The following PKNOX2 variants were observed in gnomAD, a reference collection of about 807,000 sequenced individuals.
PKNOX2 encodes the protein homeobox protein PKNOX2.
In PKNOX2, 14 loss-of-function variants were observed where a neutral mutation model predicts 53.1. The observed-to-expected ratio is 0.26, with a 90% CI of 0.17 to 0.41. The LOEUF (loss-of-function observed/expected upper bound fraction) is 0.41. PKNOX2 is among the 10% of genes least tolerant of loss of function. PKNOX2 has a pLI of 1.00. For missense variants in PKNOX2, 496 were observed against 602.8 expected (o/e 0.82, Z 1.85); for synonymous variants, 257 against 242.8 (o/e 1.06, Z -0.54).
intron 3 of PKNOX2, among the ~76,000 whole-genome samples, chr11:125,349,080 T>C (rs1352810064): frequency 6.6e-6 from 1 of 152,116 alleles, no homozygotes; most frequent in African/African-American, 2.4e-5. Flanking sequence ...TCTGCCAGAG[T>C]TCCAGGGAAG....
At chr11:125,332,195 T>C (rs1288221313) in intron 3 of PKNOX2, among the ~76,000 whole-genome samples, 1 of 151,812 alleles carries the variant, frequency 6.6e-6, no homozygotes, top group Non-Finnish European at 1.5e-5. Context: ...TTGATACAGA[T>C]GGGTGGGGCC....
Position 125,165,939 on chromosome 11 carries a change from G to A in PKNOX2, c.-201+1163G>A, listed in dbSNP as rs1954838770. Among the ~76,000 whole-genome samples, 1 of 152,198 alleles carries A rather than the reference G, an allele frequency of 6.6e-6. No homozygotes were observed. The highest frequency in any genetic ancestry group is 1.5e-5 in the Non-Finnish European group (1 of 68,040). On this transcript the variant is annotated intron_variant, in intron 1 of 12. Transcript: ENST00000298282. This position sits in a 1 kb window ranked among gnomAD's most constrained non-coding sequence, Gnocchi z 4.5. ...ATCCCCAGGAAGAAACGAGCGAAAT[G>A]GGCCGTCCTTTCCCGGGGCTCTTCA...
At chr11:125,345,762 A>G (rs1231120723) in intron 3 of PKNOX2, among the ~76,000 whole-genome samples, 1 of 152,206 alleles carries the variant, frequency 6.6e-6, no homozygotes, top group Non-Finnish European at 1.5e-5. Context: ...AAAGATGAAT[A>G]TCACACTATC....
intron 1 of PKNOX2, among the ~76,000 whole-genome samples, chr11:125,210,889 A>C (rs539364591): frequency 6.6e-6 from 1 of 152,170 alleles, no homozygotes; most frequent in African/African-American, 2.4e-5. Flanking sequence ...TGGCTTCCGG[A>C]TCTGGGTTGA....
chr11:125,378,539 C>T (rs923447238), intron 5 of PKNOX2, among the ~76,000 whole-genome samples: 1 of 152,192 alleles, frequency 6.6e-6, no homozygotes, highest in Non-Finnish European at 1.5e-5. Context: ...CTCTTCCCAC[C>T]CCCAAGAGGG....
At chr11:125,360,785 T>TA (rs1395405388) in intron 4 of PKNOX2, among the ~76,000 whole-genome samples, 1 of 152,256 alleles carries the variant, frequency 6.6e-6, no homozygotes, top group East Asian at 1.9e-4. Flanking sequence ...GCTGAATAGC[T>TA]ACTGAGGGCC....
chr11:125,327,437 C>T (rs1411859931), intron 2 of PKNOX2, among the ~76,000 whole-genome samples: 4 of 152,220 alleles, frequency 2.6e-5, no homozygotes, highest in Non-Finnish European at 5.9e-5. Flanking sequence ...CACACAGCCC[C>T]GTGTCTTCCC....
intron 8 of PKNOX2, 199 bp from the exon 9 acceptor site, chr11:125,410,580 C>T (rs1955446037): frequency 3.1e-6 from 2 of 648,660 alleles, no homozygotes; most frequent in Non-Finnish European, 5.3e-6. Context: ...TTCCCCGAAG[C>T]ACCTCCCACC....
chr11:125,213,355 T>G (rs113369861), intron 1 of PKNOX2, among the ~76,000 whole-genome samples: 1,980 of 152,264 alleles, frequency 0.013, 42 homozygotes, highest in African/African-American at 0.045. Flanking sequence ...TTCCCTCATC[T>G]GTTAAATGGG....
At chr11:125,216,343 G>A (rs1057078624) in intron 1 of PKNOX2, among the ~76,000 whole-genome samples, 3 of 152,128 alleles carry the variant, frequency 2.0e-5, no homozygotes, top group Non-Finnish European at 4.4e-5. Flanking sequence ...TCTGGGCCCC[G>A]TTTTCCTTCC....
intron 2 of PKNOX2, among the ~76,000 whole-genome samples, chr11:125,280,860 T>C (rs1024977281): frequency 2.6e-5 from 4 of 152,032 alleles, no homozygotes; most frequent in African/African-American, 9.7e-5. Context: ...GTGGCTGTGG[T>C]GTATAAGGAG....
At chr11:125,426,343 C>A (rs980913211) in intron 10 of PKNOX2, among the ~76,000 whole-genome samples, 2 of 152,218 alleles carry the variant, frequency 1.3e-5, no homozygotes, top group African/African-American at 4.8e-5. Context: ...GGGTACTTAG[C>A]ACAGACTTCC....
chr11:125,178,565 C>CGAAGGAAGGAAGGAAG (rs1176892919), intron 1 of PKNOX2, among the ~76,000 whole-genome samples: 3 of 60,366 alleles, frequency 5.0e-5, no homozygotes, highest in African/African-American at 1.1e-4. Context: ...AAGGAAGGAA[C>CGAAGGAAGGAAGGAAG]GAAGGAAGGA....
At chr11:125,264,451 G>T (rs1054099352) in intron 2 of PKNOX2, among the ~76,000 whole-genome samples, 1 of 152,098 alleles carries the variant, frequency 6.6e-6, no homozygotes, top group African/African-American at 2.4e-5. Context: ...GGAAACTGAG[G>T]TCAGGGATAG....
At chr11:125,301,149 T>A (rs1227717290) in intron 2 of PKNOX2, among the ~76,000 whole-genome samples, 1 of 152,148 alleles carries the variant, frequency 6.6e-6, no homozygotes, top group Non-Finnish European at 1.5e-5. Flanking sequence ...CTGGCTCTGG[T>A]TCAGGGAGCG....
At chr11:125,226,569 G>A (rs1290828992) in intron 1 of PKNOX2, among the ~76,000 whole-genome samples, 1 of 151,962 alleles carries the variant, frequency 6.6e-6, no homozygotes, top group Non-Finnish European at 1.5e-5. Context: ...TTTCCAACAC[G>A]CCAAACCATT....
At chr11:125,193,416 A>T (rs1024213536) in intron 1 of PKNOX2, among the ~76,000 whole-genome samples, 2 of 152,122 alleles carry the variant, frequency 1.3e-5, no homozygotes, top group African/African-American at 4.8e-5. Flanking sequence ...GGCAAAGTTG[A>T]GGTTTTTTAC....
chr11:125,428,962 G>C, intron 10 of PKNOX2, 50 bp from the exon 11 acceptor site: 1 of 1,549,782 alleles, frequency 6.5e-7, no homozygotes, highest in Non-Finnish European at 8.9e-7. Context: ...CCTTGGGGGG[G>C]CCAGATCAGC....
At chr11:125,168,161 TA>T (rs765241380) in intron 1 of PKNOX2, among the ~76,000 whole-genome samples, 3 of 152,330 alleles carry the variant, frequency 2.0e-5, no homozygotes, top group East Asian at 3.9e-4. Context: ...TCGCGTTTAG[TA>T]AGATAAATGT....
Sources: allele counts gnomAD v4.1 joint callset (sites outside exome capture counted in the v4.1 genomes callset), GRCh38; gene constraint gnomAD v4.1.1; non-coding constraint Gnocchi (gnomAD v3.1); transcripts MANE v1.5; gene names NCBI Gene and HGNC (gene_info 2026-07-23, HGNC 2026-07-21).